Variants in PRDM16 observed in about 807,000 individuals in gnomAD.
The protein encoded by PRDM16 is PR/SET domain 16, also known as histone-lysine N-methyltransferase PRDM16.
PRDM16 carries 23 observed loss-of-function variants against 110.6 expected under a neutral mutation model. That is an observed-to-expected ratio of 0.21 (90% CI 0.15 to 0.29). The LOEUF (loss-of-function observed/expected upper bound fraction) is 0.29. Among genes scored for constraint, PRDM16 ranks in the 10% least tolerant of loss-of-function variants. The probability of loss-of-function intolerance (pLI) is 1.00; values close to 1 mark genes in which losing one functional copy is unlikely to be tolerated. For missense variants in PRDM16, 1,615 were observed against 1,794.3 expected (o/e 0.90, Z 1.81); for synonymous variants, 799 against 781.8 (o/e 1.02, Z -0.37).
chr1:3,389,255 C>T (rs529773865), intron 4 of PRDM16, among the ~76,000 whole-genome samples: 340 of 152,300 alleles, frequency 2.2e-3, no homozygotes, highest in Non-Finnish European at 3.4e-3. Context: ...ACTGCCCTGC[C>T]GCCTCGCAGT....
intron 16 of PRDM16, among the ~76,000 whole-genome samples, chr1:3,433,293 C>T (rs967691848): frequency 2.6e-5 from 4 of 152,264 alleles, no homozygotes; most frequent in African/African-American, 9.6e-5. Context: ...CTTCCTCTTC[C>T]AGGCTGCGGG....
In PRDM16 at chr1:3,410,119, G is replaced by T. The variant is rs144154117; in HGVS notation, c.1187-1265G>T. 2.2e-3 allele frequency among the ~76,000 whole-genome samples: 331 copies of T among 151,380 alleles called. 7 individuals are homozygous for T. In the South Asian group the frequency reaches 0.055, roughly 25 times the overall value. On this transcript the variant is annotated intron_variant, in intron 8 of 16. Transcript: ENST00000270722. ...GGTTGTGTGTGTGCGTGTGTGTGGT[G>T]TGTGTGCATGTGTATGAATGTGGTG...
intron 1 of PRDM16, among the ~76,000 whole-genome samples, chr1:3,118,238 TAC>T (rs1557460758): frequency 6.6e-6 from 1 of 152,056 alleles, no homozygotes; most frequent in East Asian, 1.9e-4. Flanking sequence ...CACACGTGCA[TAC>T]ACACGCACAG....
At chr1:3,171,311 C>G (rs1287455550) in intron 1 of PRDM16, among the ~76,000 whole-genome samples, 1 of 152,236 alleles carries the variant, frequency 6.6e-6, no homozygotes, top group East Asian at 1.9e-4. Context: ...CTCCTCCTCG[C>G]TGTCCGGGCA....
At chr1:3,093,643 C>T (rs1642327289) in intron 1 of PRDM16, among the ~76,000 whole-genome samples, 1 of 152,100 alleles carries the variant, frequency 6.6e-6, no homozygotes, top group African/African-American at 2.4e-5. Flanking sequence ...TTCTCGGAGG[C>T]TGCATGCTGT....
intron 3 of PRDM16, among the ~76,000 whole-genome samples, chr1:3,337,442 G>T (rs893418821): frequency 1.3e-5 from 2 of 152,212 alleles, no homozygotes; most frequent in African/African-American, 2.4e-5. Flanking sequence ...AGGTTTAGCA[G>T]GGTTCTTAGG....
At chr1:3,230,294 T>TCACGGAGG (rs1639378063) in intron 2 of PRDM16, among the ~76,000 whole-genome samples, 1 of 152,202 alleles carries the variant, frequency 6.6e-6, no homozygotes. Flanking sequence ...TTGCTAGGTC[T>TCACGGAGG]CACGGAGGCC....
At chr1:3,264,889 T>TGGGGATGGGCTCATTGGC (rs1486861092) in intron 3 of PRDM16, among the ~76,000 whole-genome samples, 2 of 151,668 alleles carry the variant, frequency 1.3e-5, no homozygotes, top group East Asian at 3.9e-4. Context: ...CCAAGGACAG[T>TGGGGATGGGCTCATTGGC]GGGGATGGGC....
chr1:3,432,701 C>T (rs1456782468), intron 16 of PRDM16, among the ~76,000 whole-genome samples: 4 of 152,222 alleles, frequency 2.6e-5, no homozygotes, highest in African/African-American at 9.6e-5. Flanking sequence ...ACTCTACAGC[C>T]CTCCCAGAGG....
At chr1:3,322,204 CGT>C (rs376276591) in intron 3 of PRDM16, among the ~76,000 whole-genome samples, 12 of 148,320 alleles carry the variant, frequency 8.1e-5, no homozygotes, top group African/African-American at 1.7e-4. Flanking sequence ...TGGGTGTGCA[CGT>C]GTGTGTGTGA....
intron 2 of PRDM16, among the ~76,000 whole-genome samples, chr1:3,218,632 CT>C (rs1207611203): frequency 6.6e-6 from 1 of 152,232 alleles, no homozygotes; most frequent in African/African-American, 2.4e-5. Context: ...CTGGCTCTTT[CT>C]TTCTTTGTTC....
chr1:3,422,548 C>G (rs868309832), intron 12 of PRDM16, among the ~76,000 whole-genome samples: 13 of 152,352 alleles, frequency 8.5e-5, no homozygotes, highest in Admixed American at 3.9e-4. Flanking sequence ...TCTCAGCAGT[C>G]AGTCAGCCTC....
At chr1:3,242,896 C>G (rs1184496851) in intron 2 of PRDM16, among the ~76,000 whole-genome samples, 1 of 152,224 alleles carries the variant, frequency 6.6e-6, no homozygotes, top group Non-Finnish European at 1.5e-5. Flanking sequence ...TCCGTATACT[C>G]GACCGTGCAT....
At chr1:3,418,050 C>A (rs965378051) in intron 11 of PRDM16, 53 bp downstream of exon 11, 6 of 1,480,912 alleles carry the variant, frequency 4.1e-6, no homozygotes, top group Non-Finnish European at 5.5e-6. Flanking sequence ...TCGAGTGCCA[C>A]ACCTGTGGCT....
At position 3,181,100 on chromosome 1, in the gene PRDM16, AGTCTTACACG is replaced by A. The variant is rs1644157400; in HGVS notation, c.38-5024_38-5015del. Among the ~76,000 whole-genome samples, 59 of 17,920 alleles carry A rather than the reference AGTCTTACACG, an allele frequency of 3.3e-3. 1 individual carries two copies. The highest frequency in any genetic ancestry group is 7.7e-3 in the Non-Finnish European group (26 of 3,358). 11.8% of individuals were successfully genotyped at this position (17,920 alleles called of 152,430 possible). A position where few individuals can be genotyped will look rare whatever the true frequency, so the allele number is the denominator to read the frequency against. ...GTCTTACACACGGCCTTACACACGC[AGTCTTACACG>A]CGGCCTTACACACGCAGTCTTACAC... is the stretch of plus-strand genomic sequence containing the variant. On this transcript the variant is annotated intron_variant, in intron 1 of 16. Transcript: ENST00000270722.
intron 2 of PRDM16, among the ~76,000 whole-genome samples, chr1:3,217,774 G>A (rs1196199642): frequency 6.6e-6 from 1 of 152,128 alleles, no homozygotes; most frequent in Non-Finnish European, 1.5e-5. Context: ...TTTCCTTGAG[G>A]CCCTGCGAGT....
chr1:3,288,606 C>T (rs980849808), intron 3 of PRDM16, among the ~76,000 whole-genome samples: 3 of 152,144 alleles, frequency 2.0e-5, no homozygotes, highest in African/African-American at 7.2e-5. Context: ...ACCTAGGGGT[C>T]CTGGTGGGAC....
chr1:3,300,019 C>A (rs1570021987), intron 3 of PRDM16, among the ~76,000 whole-genome samples: 3 of 97,344 alleles, frequency 3.1e-5, no homozygotes, highest in Admixed American at 1.3e-4. Context: ...GTTGAAGATG[C>A]TATGCTGTGG....
intron 1 of PRDM16, among the ~76,000 whole-genome samples, chr1:3,179,787 A>C (rs1329125785): frequency 1.3e-5 from 2 of 152,144 alleles, no homozygotes; most frequent in African/African-American, 4.8e-5. Flanking sequence ...TTCCAAGGTG[A>C]TCCGGCCCCG....
Sources: gnomAD v4.1 joint callset for allele counts (sites outside exome capture counted in the v4.1 genomes callset) on GRCh38, gnomAD v4.1.1 for gene constraint, MANE v1.5 for transcripts, NCBI Gene and HGNC (gene_info 2026-07-23, HGNC 2026-07-21) for gene names.